The following SCN10A variants were observed in gnomAD, a reference collection of about 807,000 sequenced individuals.
SCN10A encodes sodium voltage-gated channel alpha subunit 10.
SCN10A carries 162 observed loss-of-function variants against 170.7 expected under a neutral mutation model. The observed-to-expected ratio is 0.95, with a 90% CI of 0.84 to 1.08. The LOEUF (loss-of-function observed/expected upper bound fraction) is 1.08. SCN10A is among the 50% of genes least tolerant of loss of function. The pLI, the probability that SCN10A is intolerant of heterozygous loss-of-function variation, is 0.00. For synonymous variants in SCN10A, 985 were observed against 904.6 expected, an observed-to-expected ratio of 1.09 and a Z score of -1.59; for missense variants, 2,527 against 2,436.9, an observed-to-expected ratio of 1.04 and a Z score of -0.78.
intron 2 of SCN10A, among the ~76,000 whole-genome samples, 191 bp from the exon 3 acceptor site, chr3:38,792,359 C>A (rs924358811): frequency 5.3e-5 from 8 of 152,102 alleles, no homozygotes; most frequent in Non-Finnish European, 1.0e-4. Flanking sequence ...CATATCCTCA[C>A]CCTCTCAGCA....
intron 13 of SCN10A, among the ~76,000 whole-genome samples, chr3:38,746,100 T>TATATATATATATATATAG (rs71085336): frequency 3.0e-5 from 3 of 99,834 alleles, no homozygotes; most frequent in East Asian, 3.5e-4. Context: ...TATATATATA[T>TATATATATATATATATAG]GCCATCTTTG....
chr3:38,769,646 A>G (rs2063976294), intron 5 of SCN10A, among the ~76,000 whole-genome samples: 1 of 152,172 alleles, frequency 6.6e-6, no homozygotes, highest in African/African-American at 2.4e-5. Context: ...CTTTTGTCAT[A>G]TTACCAGAAT....
intron 19 of SCN10A, among the ~76,000 whole-genome samples, chr3:38,722,767 T>A (rs2063407935): frequency 6.6e-6 from 1 of 152,166 alleles, no homozygotes; most frequent in Non-Finnish European, 1.5e-5. Context: ...AAGCCCAAGC[T>A]GAACTGAGGG....
intron 21 of SCN10A, among the ~76,000 whole-genome samples, chr3:38,717,370 C>T (rs546540133): frequency 9.2e-5 from 14 of 152,274 alleles, no homozygotes; most frequent in Admixed American, 5.9e-4. Context: ...AGTGCATGAC[C>T]GTTTAAGGTG....
chr3:38,698,155 T>G lies in SCN10A; in HGVS notation c.5065A>C (p.Arg1689=), dbSNP rs767267531. ...DPNLPNSNGT[R]GDCGSPAVGI... ...ACGGCTGGGCTCCCACAGTCCCCTC[T>G]GGTGCCATTGCTGTTGGGCAGATTG... Residue 1689 remains arginine (R), a synonymous_variant, in exon 28 of 28, where the codon AGA becomes CGA. Transcript: ENST00000449082. The G allele has an allele frequency of 1.9e-6, 3 of 1,614,144 alleles. No homozygotes were observed. In the East Asian group the frequency reaches 6.7e-5, roughly 36 times the overall value.
chr3:38,699,168 TG>T (rs1302590763), intron 27 of SCN10A, among the ~76,000 whole-genome samples: 10 of 150,632 alleles, frequency 6.6e-5, no homozygotes, highest in African/African-American at 2.4e-4. Flanking sequence ...GGGATTTGAA[TG>T]ACCAGCTGTC....
chr3:38,798,821 A>C (rs2064355413), intron 1 of SCN10A, among the ~76,000 whole-genome samples: 1 of 106,604 alleles, frequency 9.4e-6, no homozygotes, highest in Non-Finnish European at 1.7e-5. Flanking sequence ...ACAAGTTCTC[A>C]CTCTGTTGTC....
At chr3:38,788,747 C>G (rs964079431) in intron 4 of SCN10A, among the ~76,000 whole-genome samples, 5 of 152,132 alleles carry the variant, frequency 3.3e-5, no homozygotes, top group Admixed American at 2.0e-4. Context: ...AACCACTAAT[C>G]TGTATCTCTT....
chr3:38,701,791 AC>A, intron 27 of SCN10A, 47 bp downstream of exon 27: 4 of 1,525,460 alleles, frequency 2.6e-6, no homozygotes, highest in Non-Finnish European at 3.5e-6. Context: ...CATCCCAAAG[AC>A]CCCCAAACAG....
chr3:38,707,195 CCTCAGGCCCCTGCCTGA>C, intron 26 of SCN10A, 67 bp downstream of exon 26: 5 of 1,422,258 alleles, frequency 3.5e-6, no homozygotes, highest in Non-Finnish European at 3.9e-6. Context: ...AACAGCACTC[CCTCAGGCCCCTGCCTGA>C]CACAGGCATA....
At chr3:38,701,409 G>T (rs889756229) in intron 27 of SCN10A, among the ~76,000 whole-genome samples, 1 of 152,118 alleles carries the variant, frequency 6.6e-6, no homozygotes, top group Non-Finnish European at 1.5e-5. Flanking sequence ...TCCTCACTTT[G>T]ATGGCAATCC....
intron 17 of SCN10A, among the ~76,000 whole-genome samples, chr3:38,726,312 T>C (rs959242600): frequency 6.6e-6 from 1 of 152,150 alleles, no homozygotes; most frequent in African/African-American, 2.4e-5. Flanking sequence ...TAGCATCTCA[T>C]GCACAGAGCC....
chr3:38,704,151 C>G (rs2063185320), intron 26 of SCN10A, among the ~76,000 whole-genome samples: 1 of 152,132 alleles, frequency 6.6e-6, no homozygotes. Flanking sequence ...GCACAGCAAG[C>G]AGAGGGGGAA....
chr3:38,762,887 A>G (rs1439784013), intron 6 of SCN10A, among the ~76,000 whole-genome samples: 3 of 152,192 alleles, frequency 2.0e-5, no homozygotes, highest in Non-Finnish European at 4.4e-5. Context: ...GTCCCATTTC[A>G]GAAAGTTTGC....
chr3:38,799,034 C>G (rs1160359337), intron 1 of SCN10A, among the ~76,000 whole-genome samples: 1 of 152,108 alleles, frequency 6.6e-6, no homozygotes, highest in Non-Finnish European at 1.5e-5. Context: ...CTTCCCACCT[C>G]AGCCTCCCAA....
chr3:38,801,774 G>A (rs1559472338), intron 1 of SCN10A, among the ~76,000 whole-genome samples: 1 of 152,144 alleles, frequency 6.6e-6, no homozygotes. Context: ...AACTTAATTA[G>A]TAAGCAAAAG....
chr3:38,772,274 A>G (rs2064009787), intron 4 of SCN10A, among the ~76,000 whole-genome samples: 1 of 151,154 alleles, frequency 6.6e-6, no homozygotes, highest in African/African-American at 2.4e-5. Context: ...GAGCATCAGG[A>G]ATTTGAAGGA....
At chr3:38,802,629 A>G (rs1255511927) in intron 1 of SCN10A, among the ~76,000 whole-genome samples, 1 of 152,140 alleles carries the variant, frequency 6.6e-6, no homozygotes, top group African/African-American at 2.4e-5. Flanking sequence ...CCTTCCTTAC[A>G]CTTTATACAA....
In SCN10A at chr3:38,771,368, T is replaced by C; in HGVS notation, c.510A>G (p.Ile170Met). Residue 170 changes from isoleucine to methionine, a missense_variant, in exon 5 of 28, where the codon ATA becomes ATG. Physicochemically the swap from Ile to Met is conservative, Grantham distance 10. Transcript: ENST00000449082. ...GACAAAATCCTCTTGCCAGTATCTT[T>C]ATCAAGGCTTCAAAGGTGTAAATGA... ...FTVIYTFEAL[I>M]KILARGFCLN... 14 of 1,614,148 alleles carry C rather than the reference T, an allele frequency of 8.7e-6. No homozygotes were observed. The highest frequency in any genetic ancestry group is 1.0e-5 in the Non-Finnish European group (12 of 1,179,980).
Sources: allele counts gnomAD v4.1 joint callset (sites outside exome capture counted in the v4.1 genomes callset), GRCh38; gene constraint gnomAD v4.1.1; transcripts MANE v1.5; gene names NCBI Gene and HGNC (gene_info 2026-07-23, HGNC 2026-07-21).